The following ZNF264 variants were observed in gnomAD, a reference collection of about 807,000 sequenced individuals.
The protein encoded by ZNF264 is zinc finger protein 264.
Under a neutral mutation model 11.2 loss-of-function variants are expected in ZNF264, and 11 were observed. The ratio of observed to expected loss-of-function variants is 0.98; its 90% confidence interval spans 0.62 to 1.63. ZNF264 has a LOEUF of 1.63. Ranked by LOEUF, ZNF264 falls within the 40% of genes most tolerant of loss-of-function variation. The pLI, the probability that ZNF264 is intolerant of heterozygous loss-of-function variation, is 0.00. For synonymous variants in ZNF264, 309 were observed against 279.8 expected, an observed-to-expected ratio of 1.10 and a Z score of -1.04; for missense variants, 752 against 768.1, an observed-to-expected ratio of 0.98 and a Z score of 0.25.
chr19:57,213,424 C>T lies in ZNF264; in HGVS notation c.*443C>T, dbSNP rs1252850080. 1 of 158,812 alleles carries T rather than the reference C, an allele frequency of 6.3e-6. No homozygotes were observed. The highest frequency in any genetic ancestry group is 2.4e-5 in the African/African-American group (1 of 41,458). The allele number at this position is 158,812 out of a possible 1,614,324, so 9.8% of individuals were successfully genotyped here. A position where few individuals can be genotyped will look rare whatever the true frequency, so the allele number is the denominator to read the frequency against. The stretch of plus-strand genomic sequence containing the variant: ...CTTCTGTATTCCACAATAGTACTTA[C>T]TCTTGAGAAGCATAACTTTATGACA... On this transcript the variant is annotated 3_prime_UTR_variant, in exon 4 of 4. Coordinates refer to ENST00000263095, the MANE Select transcript of ZNF264 (RefSeq NM_003417.5).
rs534275501 is a variant in ZNF264, at chr19:57,212,853, C to A, written c.1756C>A (p.Arg586=). 1.1e-5 allele frequency: 18 copies of A among 1,614,186 alleles called. No individual in the cohort carries two copies. The highest frequency in any genetic ancestry group is 1.5e-5 in the Non-Finnish European group (18 of 1,180,030). Residue 586 remains arginine (R), a synonymous_variant, in exon 4 of 4, where the codon CGA becomes AGA. Coordinates refer to ENST00000263095, the MANE Select transcript of ZNF264 (RefSeq NM_003417.5). ...AAGTGGACAAACCTCAGTTACCCTT[C>A]GAGAACTTCTTTTAGGGAAGGACTT... The part of the protein sequence containing the change: ...FTSGQTSVTL[R]ELLLGKDFLN...
chr19:57,198,711 G>A (rs372085473), intron 2 of ZNF264, among the ~76,000 whole-genome samples: 9 of 151,870 alleles, frequency 5.9e-5, no homozygotes, highest in Non-Finnish European at 1.0e-4. Context: ...GCGTCAGCTC[G>A]GAGCCAGTGT....
chr19:57,210,247 A>C (rs577650287), intron 3 of ZNF264, among the ~76,000 whole-genome samples: 9 of 152,108 alleles, frequency 5.9e-5, no homozygotes, highest in Non-Finnish European at 1.2e-4. Flanking sequence ...AGCACCTCTT[A>C]CTGGAAAACT....
Position 57,191,986 on chromosome 19 carries a change from A to T in ZNF264, c.33+40A>T, listed in dbSNP as rs1220726403. ...GCTTCGCGGTTGCCGCTTCCTTGCCAGCGCTGAGGCGGTTTCCGAAGTGGG... is the reference window on the plus strand; with the variant it reads ...GCTTCGCGGTTGCCGCTTCCTTGCCTGCGCTGAGGCGGTTTCCGAAGTGGG... On this transcript the variant is annotated intron_variant, in intron 1 of 3. Coordinates refer to ENST00000263095, the MANE Select transcript of ZNF264 (RefSeq NM_003417.5). The T allele has an allele frequency of 2.0e-6, 3 of 1,503,408 alleles. No homozygotes were observed. The Admixed American group carries it at 6.6e-5, about 33-fold the overall frequency. The allele number at this position is 1,503,408 out of a possible 1,614,324, so 93.1% of individuals were successfully genotyped here.
Position 57,212,507 on chromosome 19 carries a change from C to G in ZNF264, c.1410C>G (p.Leu470=). Residue 470 remains leucine (L), a synonymous_variant, in exon 4 of 4, where the codon CTC becomes CTG. Transcript: ENST00000263095. The part of the protein sequence containing the change: ...CGKAFSNRKD[L]IRHFSIHTGE... ...AAGCCTTTAGCAATCGGAAGGACCT[C>G]ATTCGCCACTTCAGCATCCACACTG... 1 of 1,613,022 alleles carries G rather than the reference C, an allele frequency of 6.2e-7. No individual in the cohort carries two copies. The highest frequency in any genetic ancestry group is 8.5e-7 in the Non-Finnish European group (1 of 1,179,748).
intron 2 of ZNF264, among the ~76,000 whole-genome samples, chr19:57,198,011 C>T (rs746125878): frequency 1.4e-4 from 21 of 152,000 alleles, no homozygotes; most frequent in Non-Finnish European, 2.5e-4. Context: ...CAAGGTCTCT[C>T]TGAATAAGAT....
chr19:57,203,003 T>G (rs2087264551), intron 2 of ZNF264, among the ~76,000 whole-genome samples: 1 of 152,096 alleles, frequency 6.6e-6, no homozygotes. Flanking sequence ...GTCTGCTGCT[T>G]GGAGTTTGGG....
chr19:57,211,213 G>A lies in ZNF264; in HGVS notation c.257-141G>A, dbSNP rs73632796. 7.5e-4 allele frequency: 661 copies of A among 885,860 alleles called. 4 individuals carry two copies. In the African/African-American group the frequency reaches 0.01, roughly 14 times the overall value. 54.9% of individuals were successfully genotyped at this position (885,860 alleles called of 1,614,324 possible). A position where few individuals can be genotyped will look rare whatever the true frequency, so the allele number is the denominator to read the frequency against. On this transcript the variant is annotated intron_variant, in intron 3 of 3. Coordinates refer to ENST00000263095, the MANE Select transcript of ZNF264 (RefSeq NM_003417.5). ...CCAAGGACCAGGATAGAAAGAAATT[G>A]CAAACCCAAGAATTTGAGATACAGA...
chr19:57,208,684 G>T (rs1346133004), intron 3 of ZNF264, among the ~76,000 whole-genome samples: 2 of 152,188 alleles, frequency 1.3e-5, no homozygotes, highest in African/African-American at 2.4e-5. Context: ...ACTTGTGGAG[G>T]TGCATTTTTT....
At chr19:57,209,153 A>G (rs1017652653) in intron 3 of ZNF264, among the ~76,000 whole-genome samples, 2 of 152,012 alleles carry the variant, frequency 1.3e-5, no homozygotes, top group East Asian at 1.9e-4. Context: ...TCTTTCTCCA[A>G]AAGGTCTTAA....
chr19:57,193,373 A>G, intron 1 of ZNF264: 1 of 331,834 alleles, frequency 3.0e-6, no homozygotes, highest in Non-Finnish European at 4.3e-6. Context: ...GTGTTATTGT[A>G]TTGATCCAGA....
chr19:57,219,926 T>C lies in ZNF264; in HGVS notation c.*6945T>C, dbSNP rs1163012386. The C allele has an allele frequency of 1.3e-5, 2 of 152,286 alleles. No homozygotes were observed. Among genetic ancestry groups the C allele is most frequent in the Non-Finnish European group, 2.9e-5 (2 of 68,048 alleles). 9.4% of individuals were successfully genotyped at this position (152,286 alleles called of 1,614,324 possible). Reference sequence around the variant, plus strand: ...GGCCGTGGGGATGCACCCATAATTATAATGAGAGCAGGTGAATGTCATGTG... The same window carrying C: ...GGCCGTGGGGATGCACCCATAATTACAATGAGAGCAGGTGAATGTCATGTG... On this transcript the variant is annotated 3_prime_UTR_variant, in exon 4 of 4. Transcript: ENST00000263095.
intron 2 of ZNF264, among the ~76,000 whole-genome samples, chr19:57,203,707 T>C (rs1019716150): frequency 1.3e-5 from 2 of 152,014 alleles, no homozygotes; most frequent in Non-Finnish European, 2.9e-5. Context: ...AATGCAGAGG[T>C]CTGGAATCAC....
intron 2 of ZNF264, among the ~76,000 whole-genome samples, chr19:57,204,310 A>C (rs1435027724): frequency 6.6e-6 from 1 of 151,984 alleles, no homozygotes; most frequent in Non-Finnish European, 1.5e-5. Context: ...GATTTACCAC[A>C]TCTGCATCCC....
rs1445831716 is a variant in ZNF264, at chr19:57,214,052, TA to T, written c.*1072del. 6.6e-6 allele frequency: 1 copy of T among 152,206 alleles called. No individual in the cohort carries two copies. The highest frequency in any genetic ancestry group is 6.5e-5 in the Admixed American group (1 of 15,284). The allele number at this position is 152,206 out of a possible 1,614,324, so 9.4% of individuals were successfully genotyped here. A position where few individuals can be genotyped will look rare whatever the true frequency, so the allele number is the denominator to read the frequency against. On this transcript the variant is annotated 3_prime_UTR_variant, in exon 4 of 4. Transcript: ENST00000263095. ...CACAATTTTTGGTAGTATACAGAAA[TA>T]TAATATTTTTGGACATTGTTTTGCT... is the stretch of plus-strand genomic sequence containing the variant.
chr19:57,194,009 C>G lies in ZNF264; in HGVS notation c.160+8C>G, dbSNP rs374870174. ...GGCTCCTGGTGTCTCTGGGTAAGGCCTTCCTTCCCCCTCCACCATGCAGGT... is the reference window on the plus strand; with the variant it reads ...GGCTCCTGGTGTCTCTGGGTAAGGCGTTCCTTCCCCCTCCACCATGCAGGT... On this transcript the variant is annotated splice_region_variant and intron_variant, in intron 2 of 3. Transcript: ENST00000263095. 95 of 1,599,478 alleles carry G rather than the reference C, an allele frequency of 5.9e-5. No individual in the cohort carries two copies. Among genetic ancestry groups the G allele is most frequent in the Non-Finnish European group, 7.3e-5 (86 of 1,172,056 alleles).
Position 57,212,705 on chromosome 19 carries a change from G to A in ZNF264, c.1608G>A (p.Glu536=). ...LIRHAIIHTG[E]KPYKCSECGK... is the part of the protein sequence containing the mutation. ...GACATGCCATTATCCACACTGGAGA[G>A]AAGCCCTATAAATGTAGTGAATGTG... Residue 536 remains glutamate (E), a synonymous_variant, in exon 4 of 4, where the codon GAG becomes GAA. Transcript: ENST00000263095. 1 of 1,614,214 alleles carries A rather than the reference G, an allele frequency of 6.2e-7. No individual in the cohort carries two copies. Among genetic ancestry groups the A allele is most frequent in the Non-Finnish European group, 8.5e-7 (1 of 1,180,030 alleles).
intron 3 of ZNF264, among the ~76,000 whole-genome samples, chr19:57,207,534 T>C (rs1207170181): frequency 6.6e-6 from 1 of 150,594 alleles, no homozygotes; most frequent in Non-Finnish European, 1.5e-5. Flanking sequence ...TTGTTTCTTC[T>C]TTTTTCTTTT....
chr19:57,194,816 A>C (rs1160136200), intron 2 of ZNF264: 2 of 400,150 alleles, frequency 5.0e-6, no homozygotes, highest in African/African-American at 4.1e-5. Flanking sequence ...CCTTCAATCC[A>C]ATCAAGTTGA....
Sources: gnomAD v4.1 joint callset for allele counts (sites outside exome capture counted in the v4.1 genomes callset) on GRCh38, gnomAD v4.1.1 for gene constraint, MANE v1.5 for transcripts, NCBI Gene and HGNC (gene_info 2026-07-23, HGNC 2026-07-21) for gene names.